CAMK2D: variants seen among roughly 807,000 people sequenced by gnomAD.
CAMK2D encodes the protein calcium/calmodulin-dependent protein kinase type II subunit delta.
Under a neutral mutation model 84.0 loss-of-function variants are expected in CAMK2D, and 37 were observed. That is an observed-to-expected ratio of 0.44 (90% confidence interval 0.34 to 0.58). The LOEUF (loss-of-function observed/expected upper bound fraction) is 0.58, where lower values mean the gene tolerates loss of function less well. CAMK2D is among the 20% of genes least tolerant of loss of function. CAMK2D has a pLI of 0.02. For missense variants in CAMK2D, 448 were observed against 652.5 expected (o/e 0.69, Z 3.41); for synonymous variants, 202 against 212.5 (o/e 0.95, Z 0.43).
At chr4:113,711,641 A>T (rs1476152804) in intron 2 of CAMK2D, among the ~76,000 whole-genome samples, 1 of 152,132 alleles carries the variant, frequency 6.6e-6, no homozygotes, top group Non-Finnish European at 1.5e-5. Context: ...CTTTATGTTG[A>T]CCTATGAAAA....
chr4:113,723,648 A>AT (rs2099537733), intron 2 of CAMK2D, among the ~76,000 whole-genome samples: 1 of 150,176 alleles, frequency 6.7e-6, no homozygotes, highest in African/African-American at 2.5e-5. Context: ...GCAATTAACA[A>AT]TTTCAAAACT....
chr4:113,594,085 A>G (rs2098910349), intron 4 of CAMK2D, among the ~76,000 whole-genome samples: 1 of 152,176 alleles, frequency 6.6e-6, no homozygotes, highest in Admixed American at 6.5e-5. Context: ...TCATGGCAGA[A>G]AGCAAAGCAG....
chr4:113,643,818 C>T (rs1298835505), intron 3 of CAMK2D, among the ~76,000 whole-genome samples: 5 of 152,174 alleles, frequency 3.3e-5, no homozygotes, highest in East Asian at 1.9e-4. Context: ...AGTTGTATCA[C>T]CCTCTCTGAG....
At chr4:113,541,970 C>T (rs1441248225) in intron 6 of CAMK2D, among the ~76,000 whole-genome samples, 1 of 152,150 alleles carries the variant, frequency 6.6e-6, no homozygotes, top group Non-Finnish European at 1.5e-5. Context: ...ATGTACTTAG[C>T]ACAAGGAGTT....
intron 4 of CAMK2D, among the ~76,000 whole-genome samples, chr4:113,585,930 AC>A (rs1322793969): frequency 6.6e-6 from 1 of 152,164 alleles, no homozygotes; most frequent in Non-Finnish European, 1.5e-5. Flanking sequence ...CACCTAGACT[AC>A]CCACTTTTGG....
chr4:113,610,123 G>A (rs866097022), intron 3 of CAMK2D, among the ~76,000 whole-genome samples: 6 of 151,698 alleles, frequency 4.0e-5, no homozygotes, highest in South Asian at 2.1e-4. Flanking sequence ...CTCATGTCAC[G>A]GGGGTTGATG....
At chr4:113,753,703 G>A in intron 2 of CAMK2D, 1 of 655,862 alleles carries the variant, frequency 1.5e-6, no homozygotes, top group Non-Finnish European at 1.8e-6. Flanking sequence ...TTTACCATAT[G>A]AATAACATAA....
chr4:113,546,547 CT>C (rs2098574399), intron 6 of CAMK2D, among the ~76,000 whole-genome samples: 1 of 152,188 alleles, frequency 6.6e-6, no homozygotes, highest in Non-Finnish European at 1.5e-5. Flanking sequence ...ATATAGTCTT[CT>C]AGAACATTAA....
chr4:113,508,308 A>T (rs1306936725), intron 13 of CAMK2D: 3 of 1,418,462 alleles, frequency 2.1e-6, no homozygotes, highest in Non-Finnish European at 2.9e-6. Context: ...AGAAAAAAAA[A>T]TATGACCGGT....
chr4:113,653,774 G>C (rs1464305596), intron 3 of CAMK2D, among the ~76,000 whole-genome samples: 1 of 151,828 alleles, frequency 6.6e-6, no homozygotes, highest in East Asian at 1.9e-4. Flanking sequence ...GTAAATACTG[G>C]GTATATTTAA....
At position 113,563,731 on chromosome 4, in the gene CAMK2D, C is replaced by G. The variant is rs187383841; in HGVS notation, c.276-11635G>C. Among the ~76,000 whole-genome samples the G allele has an allele frequency of 1.5e-3, 235 of 152,300 alleles. 3 individuals are homozygous for G. The highest frequency in any genetic ancestry group is 5.4e-3 in the African/African-American group (225 of 41,556). ...AATACAATTATTTTTAGTTGATCAC[C>G]TGGAGACTATCTATTTAGCCACATT... On this transcript the variant is annotated intron_variant, in intron 4 of 20. Coordinates refer to ENST00000511664, the MANE Select transcript of CAMK2D (RefSeq NM_001321571.2).
chr4:113,554,033 T>C (rs2098647846), intron 4 of CAMK2D, among the ~76,000 whole-genome samples: 1 of 152,120 alleles, frequency 6.6e-6, no homozygotes, highest in Non-Finnish European at 1.5e-5. Context: ...TTTTGGATTG[T>C]TAAAATGTTT....
intron 13 of CAMK2D, among the ~76,000 whole-genome samples, chr4:113,507,280 C>T (rs1340615037): frequency 9.9e-5 from 15 of 150,844 alleles, no homozygotes; most frequent in African/African-American, 2.7e-4. Context: ...GATGGAGTTT[C>T]GCTCTTGTTG....
chr4:113,577,089 C>G (rs545776350), intron 4 of CAMK2D, among the ~76,000 whole-genome samples: 1 of 152,218 alleles, frequency 6.6e-6, no homozygotes, highest in East Asian at 1.9e-4. Flanking sequence ...CCCCTCCCCC[C>G]AGGAAGAGTC....
At chr4:113,712,488 C>A (rs901435821) in intron 2 of CAMK2D, among the ~76,000 whole-genome samples, 1 of 151,996 alleles carries the variant, frequency 6.6e-6, no homozygotes, top group African/African-American at 2.4e-5. Context: ...TAAATATTAA[C>A]AAATCAGCAA....
chr4:113,709,398 T>G (rs2099479698), intron 2 of CAMK2D, among the ~76,000 whole-genome samples: 1 of 152,052 alleles, frequency 6.6e-6, no homozygotes, highest in Non-Finnish European at 1.5e-5. Flanking sequence ...AAAAAAGTGT[T>G]TAAAATACTT....
chr4:113,585,252 GATTA>G (rs942426102), intron 4 of CAMK2D, among the ~76,000 whole-genome samples: 9 of 152,008 alleles, frequency 5.9e-5, no homozygotes, highest in Admixed American at 1.3e-4. Context: ...AAGAGTAATT[GATTA>G]ATTAATTAAC....
At chr4:113,698,313 A>G (rs1003938947) in intron 2 of CAMK2D, among the ~76,000 whole-genome samples, 14 of 152,086 alleles carry the variant, frequency 9.2e-5, no homozygotes, top group African/African-American at 3.4e-4. Flanking sequence ...TATATTCCAT[A>G]TCAATGCTCT....
intron 16 of CAMK2D, among the ~76,000 whole-genome samples, chr4:113,468,350 C>T (rs998198385): frequency 5.9e-5 from 9 of 152,108 alleles, no homozygotes; most frequent in Non-Finnish European, 1.0e-4. Flanking sequence ...GGGAATTAGC[C>T]AGGATGCTTC....
Sources: allele counts gnomAD v4.1 joint callset (sites outside exome capture counted in the v4.1 genomes callset), GRCh38; gene constraint gnomAD v4.1.1; transcripts MANE v1.5; gene names NCBI Gene and HGNC (gene_info 2026-07-23, HGNC 2026-07-21).